Variants in SORD observed in about 807,000 individuals in gnomAD.
The protein encoded by SORD is sorbitol dehydrogenase.
SORD carries 18 observed loss-of-function variants against 35.6 expected under a neutral mutation model. The ratio of observed to expected loss-of-function variants is 0.51; its 90% confidence interval spans 0.35 to 0.75. SORD has a LOEUF of 0.75. SORD is among the 30% of genes least tolerant of loss of function. The pLI, the probability that SORD is intolerant of heterozygous loss-of-function variation, is 0.01. For missense variants in SORD, 250 were observed against 390.2 expected (o/e 0.64, Z 3.03); for synonymous variants, 106 against 152.9 (o/e 0.69, Z 2.26).
intron 1 of SORD, among the ~76,000 whole-genome samples, chr15:45,027,835 C>T (rs7182670): frequency 0.022 from 3,279 of 151,646 alleles, 4 homozygotes; most frequent in African/African-American, 0.072. Context: ...CTTGTTTTTA[C>T]AATGTAGGGT....
At chr15:45,050,250 T>A (rs1194141603) in intron 3 of SORD, among the ~76,000 whole-genome samples, 1 of 152,062 alleles carries the variant, frequency 6.6e-6, no homozygotes, top group Admixed American at 6.5e-5. Flanking sequence ...CCTGGCTAAT[T>A]TTTTGTATTT....
At chr15:45,027,103 T>G (rs924832554) in intron 1 of SORD, among the ~76,000 whole-genome samples, 6 of 152,242 alleles carry the variant, frequency 3.9e-5, no homozygotes, top group Non-Finnish European at 7.3e-5. Flanking sequence ...GTGGTTTTCT[T>G]TTATAGTTAG....
chr15:45,031,058 G>T (rs1892775757), intron 1 of SORD, among the ~76,000 whole-genome samples: 2 of 152,242 alleles, frequency 1.3e-5, no homozygotes, highest in Admixed American at 1.3e-4. Flanking sequence ...AGCCATGGTG[G>T]TTCACACCTG....
At chr15:45,070,806 A>G (rs980729344) in intron 7 of SORD, 2 of 152,172 alleles carry the variant, frequency 1.3e-5, no homozygotes, top group African/African-American at 4.8e-5. Context: ...GACTTAAAGG[A>G]CATGGCTCTC....
chr15:45,066,263 A>AG (rs1555410708), intron 5 of SORD, among the ~76,000 whole-genome samples: 3 of 149,078 alleles, frequency 2.0e-5, no homozygotes, highest in African/African-American at 7.5e-5. Context: ...AAAAAAAAAA[A>AG]GGAATTAATC....
intron 3 of SORD, among the ~76,000 whole-genome samples, chr15:45,058,176 C>T (rs774036524): frequency 2.6e-5 from 4 of 152,058 alleles, no homozygotes; most frequent in African/African-American, 9.7e-5. Context: ...GTCCTGGTGC[C>T]GACACCGTGA....
intron 1 of SORD, among the ~76,000 whole-genome samples, chr15:45,025,280 T>A (rs983104768): frequency 6.6e-6 from 1 of 152,192 alleles, no homozygotes; most frequent in Non-Finnish European, 1.5e-5. Context: ...TGGGAAGTGG[T>A]AGCGTCATTT....
intron 5 of SORD, 63 bp from the exon 6 acceptor site, chr15:45,068,117 TG>T: frequency 7.9e-7 from 1 of 1,273,448 alleles, no homozygotes; most frequent in Non-Finnish European, 1.2e-6. Context: ...ATCCATGGCC[TG>T]GACAAGTGGG....
Position 45,038,001 on chromosome 15 carries a change from C to A in SORD, c.67-2407C>A, listed in dbSNP as rs1289522222. On this transcript the variant is annotated intron_variant, in intron 1 of 8. Coordinates refer to ENST00000267814, the MANE Select transcript of SORD (RefSeq NM_003104.6). ...AATCCACGTGGTATAACAGAAGGAT[C>A]ACTTTACACAGCGGTCCCTGATGTC... is the stretch of plus-strand genomic sequence containing the variant. 4.0e-5 allele frequency among the ~76,000 whole-genome samples: 6 copies of A among 151,866 alleles called. No individual in the cohort carries two copies. In the South Asian group the frequency reaches 8.3e-4, roughly 21 times the overall value.
intron 3 of SORD, among the ~76,000 whole-genome samples, chr15:45,056,988 G>A (rs376104148): frequency 2.0e-5 from 3 of 152,174 alleles, no homozygotes; most frequent in Non-Finnish European, 2.9e-5. Context: ...ATCTCAATGC[G>A]CACACCTTTG....
At chr15:45,030,488 C>G (rs1397723145) in intron 1 of SORD, among the ~76,000 whole-genome samples, 1 of 152,208 alleles carries the variant, frequency 6.6e-6, no homozygotes, top group Non-Finnish European at 1.5e-5. Context: ...AGGGAAAATA[C>G]ATTCAAATTT....
At chr15:45,059,414 G>GT (rs1893267250) in intron 3 of SORD, among the ~76,000 whole-genome samples, 1 of 152,026 alleles carries the variant, frequency 6.6e-6, no homozygotes, top group Non-Finnish European at 1.5e-5. Context: ...AAACAACCAG[G>GT]TTTTTTCCAT....
At chr15:45,029,391 C>T (rs1188999742) in intron 1 of SORD, among the ~76,000 whole-genome samples, 1 of 123,320 alleles carries the variant, frequency 8.1e-6, no homozygotes, top group Non-Finnish European at 1.6e-5. Context: ...ACTGGGCCTA[C>T]CGTGCTCAAC....
chr15:45,024,245 T>G (rs1169017992), intron 1 of SORD, among the ~76,000 whole-genome samples: 1 of 152,182 alleles, frequency 6.6e-6, no homozygotes, highest in Non-Finnish European at 1.5e-5. Context: ...GCTGCTCCCC[T>G]GTACCTCTTT....
chr15:45,023,202 TG>T lies in SORD; in HGVS notation c.-80del. 7.9e-7 allele frequency: 1 copy of T among 1,268,714 alleles called. No individual in the cohort carries two copies. Among genetic ancestry groups the T allele is most frequent in the Non-Finnish European group, 1.1e-6 (1 of 938,108 alleles). The allele number at this position is 1,268,714 out of a possible 1,614,324, so 78.6% of individuals were successfully genotyped here. A position where few individuals can be genotyped will look rare whatever the true frequency, so the allele number is the denominator to read the frequency against. On this transcript the variant is annotated 5_prime_UTR_variant, in exon 1 of 9. Transcript: ENST00000267814. ...AGGCCCCACCTTCCATCCAGTGCCC[TG>T]GACCCTCGGCTGGGTAGCGCCACCA... is the stretch of plus-strand genomic sequence containing the variant.
intron 1 of SORD, among the ~76,000 whole-genome samples, chr15:45,032,728 T>A (rs1892805989): frequency 6.6e-6 from 1 of 152,180 alleles, no homozygotes; most frequent in African/African-American, 2.4e-5. Context: ...CACTGGACCT[T>A]GGGAGGAAAT....
At chr15:45,058,948 C>T (rs141213433) in intron 3 of SORD, among the ~76,000 whole-genome samples, 230 of 152,288 alleles carry the variant, frequency 1.5e-3, no homozygotes, top group African/African-American at 5.3e-3. Context: ...AGCAAGCCTC[C>T]ACCCCACCCC....
intron 3 of SORD, among the ~76,000 whole-genome samples, chr15:45,055,525 G>A (rs1893200558): frequency 3.9e-5 from 6 of 152,166 alleles, no homozygotes; most frequent in Admixed American, 3.9e-4. Context: ...AAGAGTCCAG[G>A]ACCAGATGGA....
chr15:45,061,191 C>T lies in SORD; in HGVS notation c.390C>T (p.Cys130=), dbSNP rs150236185. 81 of 1,614,212 alleles carry T rather than the reference C, an allele frequency of 5.0e-5. No individual in the cohort carries two copies. The African/African-American group carries it at 1.1e-3, about 21-fold the overall frequency. The change falls in exon 4 of 9, where the codon TGC becomes TGT. Residue 130 remains cysteine, a synonymous_variant. Coordinates refer to ENST00000267814, the MANE Select transcript of SORD (RefSeq NM_003104.6). The part of the protein sequence containing the change: ...CATPPDDGNL[C]RFYKHNAAFC... ...CGCCCCCCGATGACGGGAACCTCTG[C>T]CGGTTCTATAAGCACAATGCAGCCT...
Sources: gnomAD v4.1 joint callset for allele counts (sites outside exome capture counted in the v4.1 genomes callset) on GRCh38, gnomAD v4.1.1 for gene constraint, MANE v1.5 for transcripts, NCBI Gene and HGNC (gene_info 2026-07-23, HGNC 2026-07-21) for gene names.